APOLD1: variants seen among roughly 807,000 people sequenced by gnomAD.
APOLD1 encodes the protein apolipoprotein L domain-containing protein 1.
Under a neutral mutation model 15.3 loss-of-function variants are expected in APOLD1, and 22 were observed. The observed-to-expected ratio is 1.44, with a 90% confidence interval of 1.03 to 2.05. APOLD1 has a LOEUF of 2.05. Ranked by LOEUF, APOLD1 falls within the 30% of genes most tolerant of loss-of-function variation. The pLI, the probability that APOLD1 is intolerant of heterozygous loss-of-function variation, is 0.00. For synonymous variants in APOLD1, 190 were observed against 167.4 expected, an observed-to-expected ratio of 1.13 and a Z score of -1.04; for missense variants, 394 against 353.5, an observed-to-expected ratio of 1.11 and a Z score of -0.92.
chr12:12,741,637 A>G (rs1437418082), intron 1 of APOLD1, among the ~76,000 whole-genome samples: 1 of 152,216 alleles, frequency 6.6e-6, no homozygotes, highest in East Asian at 1.9e-4. Context: ...GCATTTTGCT[A>G]CAGTCTGCAC....
chr12:12,738,078 G>T (rs1426060708), intron 1 of APOLD1, among the ~76,000 whole-genome samples: 1 of 151,922 alleles, frequency 6.6e-6, no homozygotes, highest in Non-Finnish European at 1.5e-5. Flanking sequence ...TTACAACAAG[G>T]CCTGCATAAA....
rs1378624278 is a variant in APOLD1 at position 12,789,061 on chromosome 12, C to A, written c.*1409C>A. The A allele has an allele frequency of 6.6e-6, 1 of 152,184 alleles. No individual in the cohort carries two copies. The highest frequency in any genetic ancestry group is 2.4e-5 in the African/African-American group (1 of 41,440). The allele number at this position is 152,184 out of a possible 1,614,324, so 9.4% of individuals were successfully genotyped here. A position where few individuals can be genotyped will look rare whatever the true frequency, so the allele number is the denominator to read the frequency against. The stretch of plus-strand genomic sequence containing the variant: ...GAAACTGACCTTTGTCTATTATTAC[C>A]TTCTCTGAAAAGTGCCAGTCCATGT... On this transcript the variant is annotated 3_prime_UTR_variant, in exon 2 of 2. Coordinates refer to ENST00000356591, the MANE Select transcript of APOLD1 (RefSeq NM_030817.3).
chr12:12,761,340 G>C (rs1946896965), intron 1 of APOLD1, among the ~76,000 whole-genome samples: 1 of 152,008 alleles, frequency 6.6e-6, no homozygotes, highest in Admixed American at 6.6e-5. Flanking sequence ...ATTTCTTTTG[G>C]ATTAATGGTC....
intron 1 of APOLD1, among the ~76,000 whole-genome samples, chr12:12,779,533 A>G (rs1947063639): frequency 6.6e-6 from 1 of 152,212 alleles, no homozygotes; most frequent in Non-Finnish European, 1.5e-5. Flanking sequence ...ATAGCACTAT[A>G]TAACAAAAAC....
intron 1 of APOLD1, among the ~76,000 whole-genome samples, chr12:12,734,915 C>G (rs1297846598): frequency 6.6e-6 from 1 of 152,078 alleles, no homozygotes; most frequent in Admixed American, 6.6e-5. Flanking sequence ...TGTAATTATT[C>G]CATGGAATTT....
At chr12:12,777,980 G>A (rs1002537152) in intron 1 of APOLD1, among the ~76,000 whole-genome samples, 2 of 147,026 alleles carry the variant, frequency 1.4e-5, no homozygotes, top group Non-Finnish European at 3.0e-5. Flanking sequence ...CTGGAATGCA[G>A]TGGTGCAGTC....
intron 1 of APOLD1, among the ~76,000 whole-genome samples, chr12:12,778,310 C>A (rs1403016459): frequency 6.7e-6 from 1 of 150,334 alleles, no homozygotes; most frequent in Non-Finnish European, 1.5e-5. Flanking sequence ...ACCTCTCTAT[C>A]TTTTTGCTTA....
intron 1 of APOLD1, 88 bp downstream of exon 1, chr12:12,785,782 T>C: frequency 7.5e-7 from 1 of 1,328,520 alleles, no homozygotes; most frequent in Non-Finnish European, 1.1e-6. Context: ...GTGGGTTGGA[T>C]TATGGAAGCA....
intron 1 of APOLD1, among the ~76,000 whole-genome samples, chr12:12,762,371 C>T (rs1489238206): frequency 4.6e-5 from 7 of 151,612 alleles, no homozygotes; most frequent in South Asian, 2.1e-4. Context: ...TATTTTTTTC[C>T]GAGATGGAGT....
rs2136404144 is a variant in APOLD1 at position 12,788,959 on chromosome 12, T to A, written c.*1307T>A. 6.6e-6 allele frequency: 1 copy of A among 152,250 alleles called. No individual in the cohort carries two copies. The highest frequency in any genetic ancestry group is 2.4e-5 in the African/African-American group (1 of 41,556). 9.4% of individuals were successfully genotyped at this position (152,250 alleles called of 1,614,324 possible). A position where few individuals can be genotyped will look rare whatever the true frequency, so the allele number is the denominator to read the frequency against. ...TGTCTCACCGTATGAACAAGGGATG[T>A]AACACTAAAAGCCCATTAGGGGGCA... On this transcript the variant is annotated 3_prime_UTR_variant, in exon 2 of 2. Transcript: ENST00000356591.
chr12:12,743,150 G>C (rs1946740695), intron 1 of APOLD1, among the ~76,000 whole-genome samples: 2 of 152,240 alleles, frequency 1.3e-5, no homozygotes, highest in South Asian at 4.1e-4. Flanking sequence ...TTTGGAGGTA[G>C]GTGTAGGTAG....
At chr12:12,738,293 C>T (rs12821447) in intron 1 of APOLD1, among the ~76,000 whole-genome samples, 10,163 of 150,628 alleles carry the variant, frequency 0.067, 474 homozygotes, top group Non-Finnish European at 0.096. Flanking sequence ...ACTGCAGCCT[C>T]GACCTCTTGG....
intron 1 of APOLD1, among the ~76,000 whole-genome samples, chr12:12,741,532 C>T (rs1861181): frequency 0.98 from 149,749 of 152,328 alleles, 73,666 homozygotes; most frequent in East Asian, 1. Flanking sequence ...GTTTTTATTG[C>T]AACGTGGATT....
At chr12:12,745,634 T>G (rs916251643) in intron 1 of APOLD1, among the ~76,000 whole-genome samples, 2 of 152,124 alleles carry the variant, frequency 1.3e-5, no homozygotes, top group African/African-American at 4.8e-5. Flanking sequence ...CTTCCTATAT[T>G]GCGTGTAGTG....
chr12:12,777,645 G>A (rs1041832158), intron 1 of APOLD1, among the ~76,000 whole-genome samples: 2 of 151,188 alleles, frequency 1.3e-5, no homozygotes, highest in East Asian at 2.0e-4. Flanking sequence ...ATGTTCCAGT[G>A]AGCATTTCCT....
intron 1 of APOLD1, among the ~76,000 whole-genome samples, chr12:12,777,910 T>G (rs1592307814): frequency 6.4e-5 from 2 of 31,126 alleles, no homozygotes; most frequent in Non-Finnish European, 8.6e-5. Context: ...TTTTTTTTTT[T>G]TTTTTTTTTT....
At chr12:12,729,574 C>A (rs6488548) in intron 1 of APOLD1, among the ~76,000 whole-genome samples, 94,648 of 151,538 alleles carry the variant, frequency 0.62, 29,786 homozygotes, top group African/African-American at 0.71. Context: ...GGAGCTCTTG[C>A]GGCCAGGATT....
intron 1 of APOLD1, among the ~76,000 whole-genome samples, chr12:12,766,171 A>T (rs1226505930): frequency 6.6e-6 from 1 of 152,172 alleles, no homozygotes; most frequent in Non-Finnish European, 1.5e-5. Context: ...TGCTTCACAG[A>T]TCCTGAGTTC....
Position 12,787,739 on chromosome 12 carries a change from A to G in APOLD1, c.*87A>G, listed in dbSNP as rs1038674316. 2.7e-6 allele frequency: 4 copies of G among 1,500,494 alleles called. No individual in the cohort carries two copies. Among genetic ancestry groups the G allele is most frequent in the East Asian group, 2.3e-5 (1 of 44,006 alleles). 92.9% of individuals were successfully genotyped at this position (1,500,494 alleles called of 1,614,324 possible). Reference sequence around the variant, plus strand: ...TTGTAGCTCCCTTAGGAAAACACCAAGCTGGGTTAGGAGCCGAAGGCAAAG... The same window carrying G: ...TTGTAGCTCCCTTAGGAAAACACCAGGCTGGGTTAGGAGCCGAAGGCAAAG... On this transcript the variant is annotated 3_prime_UTR_variant, in exon 2 of 2. Transcript: ENST00000356591. This position sits in a 1 kb window ranked among gnomAD's most constrained non-coding sequence, Gnocchi z 4.9.
Sources: allele counts gnomAD v4.1 joint callset (sites outside exome capture counted in the v4.1 genomes callset), GRCh38; gene constraint gnomAD v4.1.1; non-coding constraint Gnocchi (gnomAD v3.1); transcripts MANE v1.5; gene names NCBI Gene and HGNC (gene_info 2026-07-23, HGNC 2026-07-21).